Variants in KDELR1 observed in about 807,000 individuals in gnomAD.
The protein encoded by KDELR1 is KDEL endoplasmic reticulum protein retention receptor 1.
In KDELR1, 16 loss-of-function variants were observed where a neutral mutation model predicts 25.5. The observed-to-expected ratio is 0.63, with a 90% CI of 0.43 to 0.95. The LOEUF is 0.95. KDELR1 is among the 40% of genes least tolerant of loss of function. The pLI is 0.00. For missense variants in KDELR1, 159 were observed against 265.2 expected (o/e 0.60, Z 2.78); for synonymous variants, 121 against 115.0 (o/e 1.05, Z -0.33).
chr19:48,383,255 C>G lies in KDELR1; in HGVS notation c.*38G>C, dbSNP rs1398429122. 3.2e-6 allele frequency: 5 copies of G among 1,549,926 alleles called. No homozygotes were observed. Among genetic ancestry groups the G allele is most frequent in the Middle Eastern group, 1.7e-4 (1 of 5,992 alleles). Reference sequence around the variant, plus strand: ...CATCTTCTGCCGCCTTCCTCTGCCTCCCGCTGCTGCCGAGGAGAGAGATGG... The same window carrying G: ...CATCTTCTGCCGCCTTCCTCTGCCTGCCGCTGCTGCCGAGGAGAGAGATGG... On this transcript the variant is annotated 3_prime_UTR_variant, in exon 5 of 5. Transcript: ENST00000330720.
upstream of KDELR1, among the ~76,000 whole-genome samples, chr19:48,392,985 A>G (rs191386931): frequency 1.8e-3 from 273 of 152,274 alleles, 1 homozygote; most frequent in African/African-American, 6.1e-3. Context: ...CTTCCGGATG[A>G]TGGGGTACCC....
chr19:48,382,763 GA>G lies in KDELR1; in HGVS notation c.*529del, dbSNP rs879856133. On this transcript the variant is annotated 3_prime_UTR_variant, in exon 5 of 5. Transcript: ENST00000330720. ...AAACTCTGGGGAAAAAAATTACTATGAAAAAAAATCAGGGGAGACCTTCCTG... is the reference window on the plus strand; with the variant it reads ...AAACTCTGGGGAAAAAAATTACTATGAAAAAAATCAGGGGAGACCTTCCTG... 2.3e-4 allele frequency: 35 copies of G among 152,720 alleles called. No individual in the cohort carries two copies. Among genetic ancestry groups the G allele is most frequent in the Non-Finnish European group, 4.0e-4 (27 of 68,228 alleles). 9.5% of individuals were successfully genotyped at this position (152,720 alleles called of 1,614,324 possible).
At chr19:48,391,247 C>T (rs1212324826) in intron 1 of KDELR1, 21 bp downstream of exon 1, 1 of 1,550,038 alleles carries the variant, frequency 6.5e-7, no homozygotes, top group African/African-American at 1.4e-5. Flanking sequence ...TCTCCTTCGC[C>T]AGCCCTGGTG....
upstream of KDELR1, among the ~76,000 whole-genome samples, chr19:48,393,337 A>G (rs995053355): frequency 1.3e-5 from 2 of 152,204 alleles, no homozygotes; most frequent in African/African-American, 4.8e-5. The surrounding 1 kb of genome is among the most constrained non-coding windows in gnomAD (Gnocchi z 5.6). Context: ...TGTGGCGAAC[A>G]CTGAAGTCAG....
rs768349658 is a variant in KDELR1, at chr19:48,389,616, C to G, written c.288G>C (p.Glu96Asp). 3.1e-6 allele frequency: 5 copies of G among 1,614,144 alleles called. No homozygotes were observed. In the South Asian group the frequency reaches 3.3e-5, roughly 11 times the overall value. ...GAATGGCTGTGGGAACGACCAGGAA[C>G]TCCACTCTGAACGTGTCATGGTTCC... ...YDGNHDTFRV[E>D]FLVVPTAILA... is the part of the protein sequence containing the mutation. The change falls in exon 3 of 5, where the codon GAG (glutamate) becomes GAC (aspartate). Residue 96 changes from glutamate to aspartate, a missense_variant. Glu to Asp is a conservative substitution (Grantham distance 45). Coordinates refer to ENST00000330720, the MANE Select transcript of KDELR1 (RefSeq NM_006801.3).
chr19:48,384,261 G>A lies in KDELR1; in HGVS notation c.573C>T (p.Tyr191=). ...IVAGLVQTVL[Y]CDFFYLYITK... Reference sequence around the variant, plus strand: ...TGATATAGAGGTAGAAGAAATCGCAGTAGAGGACTGTCTGGACCAGGCCTG... The same window carrying A: ...TGATATAGAGGTAGAAGAAATCGCAATAGAGGACTGTCTGGACCAGGCCTG... Residue 191 remains tyrosine (Y), a synonymous_variant, in exon 4 of 5, where the codon TAC becomes TAT. Coordinates refer to ENST00000330720, the MANE Select transcript of KDELR1 (RefSeq NM_006801.3). The surrounding 1 kb of genome is among the most constrained non-coding windows in gnomAD (Gnocchi z 4.6). The A allele has an allele frequency of 6.2e-7, 1 of 1,614,232 alleles. No individual in the cohort carries two copies. Among genetic ancestry groups the A allele is most frequent in the Non-Finnish European group, 8.5e-7 (1 of 1,180,054 alleles).
Position 48,383,233 on chromosome 19 carries a change from C to T in KDELR1, c.*60G>A. 6.6e-7 allele frequency: 1 copy of T among 1,524,448 alleles called. No homozygotes were observed. The highest frequency in any genetic ancestry group is 8.9e-7 in the Non-Finnish European group (1 of 1,122,394). The allele number at this position is 1,524,448 out of a possible 1,614,324, so 94.4% of individuals were successfully genotyped here. On this transcript the variant is annotated 3_prime_UTR_variant, in exon 5 of 5. Coordinates refer to ENST00000330720, the MANE Select transcript of KDELR1 (RefSeq NM_006801.3). ...ACCCCTGGATGGGAAAGCTCTTCAT[C>T]TTCTGCCGCCTTCCTCTGCCTCCCG...
In KDELR1 at chr19:48,390,532, C is replaced by G; in HGVS notation, c.92-8G>C. 6.3e-7 allele frequency: 1 copy of G among 1,580,120 alleles called. No individual in the cohort carries two copies. The highest frequency in any genetic ancestry group is 8.7e-7 in the Non-Finnish European group (1 of 1,155,164). On this transcript the variant is annotated splice_region_variant and splice_polypyrimidine_tract_variant and intron_variant, in intron 1 of 4. Transcript: ENST00000330720. ...GGCTCTTCCCTGAAATTCCTGTGGT[C>G]CAGAGACAGAGAAAGAGAGAGAGAG...
intron 1 of KDELR1, among the ~76,000 whole-genome samples, 166 bp downstream of exon 1, chr19:48,391,102 A>G (rs1600959971): frequency 6.6e-6 from 1 of 152,166 alleles, no homozygotes; most frequent in East Asian, 1.9e-4. Context: ...AGTCTGGGGA[A>G]GGGAGCTGAT....
At chr19:48,388,158 G>A (rs920878096) in intron 3 of KDELR1, among the ~76,000 whole-genome samples, 5 of 152,136 alleles carry the variant, frequency 3.3e-5, no homozygotes, top group Non-Finnish European at 7.3e-5. Context: ...TACAGATGAG[G>A]AAACTGAGGC....
At position 48,391,490 on chromosome 19, in the gene KDELR1, G is replaced by A; in HGVS notation, c.-132C>T. 2 of 681,970 alleles carry A rather than the reference G, an allele frequency of 2.9e-6. No homozygotes were observed. Among genetic ancestry groups the A allele is most frequent in the Non-Finnish European group, 5.0e-6 (2 of 396,048 alleles). 42.2% of individuals were successfully genotyped at this position (681,970 alleles called of 1,614,324 possible). Reference sequence around the variant, plus strand: ...GGGACCCTAGGTGCGCTCCGCTCCGGGGAGGGGACTTTGGGAGGGGGAGCA... The same window carrying A: ...GGGACCCTAGGTGCGCTCCGCTCCGAGGAGGGGACTTTGGGAGGGGGAGCA... On this transcript the variant is annotated 5_prime_UTR_variant, in exon 1 of 5. Coordinates refer to ENST00000330720, the MANE Select transcript of KDELR1 (RefSeq NM_006801.3).
the KDELR1 span, among the ~76,000 whole-genome samples, chr19:48,397,137 A>G: frequency 1.5e-5 from 2 of 136,526 alleles, no homozygotes; most frequent in Non-Finnish European, 3.2e-5. Flanking sequence ...CCCCAACCCC[A>G]CATCCCAGAT....
At chr19:48,389,257 G>A (rs545851134) in intron 3 of KDELR1, among the ~76,000 whole-genome samples, 6 of 152,290 alleles carry the variant, frequency 3.9e-5, no homozygotes, top group South Asian at 2.1e-4. Context: ...GCAACAGAGC[G>A]AGACTTTGTC....
Position 48,391,543 on chromosome 19 carries a change from G to A in KDELR1, c.-185C>T. The A allele has an allele frequency of 1.7e-6, 1 of 590,406 alleles. No individual in the cohort carries two copies. The highest frequency in any genetic ancestry group is 2.9e-5 in the East Asian group (1 of 34,738). 36.6% of individuals were successfully genotyped at this position (590,406 alleles called of 1,614,324 possible). On this transcript the variant is annotated 5_prime_UTR_variant, in exon 1 of 5. Coordinates refer to ENST00000330720, the MANE Select transcript of KDELR1 (RefSeq NM_006801.3). The stretch of plus-strand genomic sequence containing the variant: ...GGCTGGAGCTGGCGGCGGAGCTGGA[G>A]CCGGGAAGAGGGAGGAGAGCGAGAG...
intron 2 of KDELR1, 51 bp downstream of exon 2, chr19:48,390,373 C>T (rs947383788): frequency 1.4e-6 from 2 of 1,388,462 alleles, no homozygotes; most frequent in African/African-American, 1.4e-5. Flanking sequence ...GGGACCCACA[C>T]CCGGCTCCTC....
upstream of KDELR1, among the ~76,000 whole-genome samples, chr19:48,395,768 G>T (rs276714): frequency 6.6e-6 from 1 of 151,860 alleles, no homozygotes; most frequent in Admixed American, 6.6e-5. Flanking sequence ...GGGAAGGATA[G>T]GGTTTGAAAC....
At chr19:48,387,509 C>A (rs1402285834) in intron 3 of KDELR1, among the ~76,000 whole-genome samples, 1 of 151,860 alleles carries the variant, frequency 6.6e-6, no homozygotes, top group Non-Finnish European at 1.5e-5. Flanking sequence ...TGGTGAAACC[C>A]CATCTCTACT....
chr19:48,390,199 T>C, intron 2 of KDELR1: 1 of 367,658 alleles, frequency 2.7e-6, no homozygotes. Context: ...CCCTCCTCCC[T>C]CAGACCCAGG....
upstream of KDELR1, among the ~76,000 whole-genome samples, chr19:48,395,959 C>T (rs1014548762): frequency 1.3e-5 from 2 of 151,298 alleles, no homozygotes; most frequent in East Asian, 2.0e-4. Context: ...AGAACAGGAC[C>T]GAATGCCCAG....
Sources: gnomAD v4.1 joint callset for allele counts (sites outside exome capture counted in the v4.1 genomes callset) on GRCh38, gnomAD v4.1.1 for gene constraint, Gnocchi (gnomAD v3.1) non-coding constraint, MANE v1.5 for transcripts, NCBI Gene and HGNC (gene_info 2026-07-23, HGNC 2026-07-21) for gene names.